SLIT3: variants seen among roughly 807,000 people sequenced by gnomAD.
The protein encoded by SLIT3 is slit homolog 3 protein.
In SLIT3, 68 loss-of-function variants were observed where a neutral mutation model predicts 184.0. The observed-to-expected ratio is 0.37, with a 90% CI of 0.30 to 0.45. SLIT3 has a LOEUF of 0.45. Among genes scored for constraint, SLIT3 ranks in the 20% least tolerant of loss-of-function variants. The probability of loss-of-function intolerance (pLI) is 1.00; values close to 1 mark genes in which losing one functional copy is unlikely to be tolerated. For missense variants in SLIT3, 1,707 were observed against 2,026.0 expected (o/e 0.84, Z 3.02); for synonymous variants, 831 against 828.6 (o/e 1.00, Z -0.05).
intron 4 of SLIT3, among the ~76,000 whole-genome samples, chr5:169,046,712 ATCTC>A (rs939299189): frequency 6.6e-6 from 1 of 152,186 alleles, no homozygotes; most frequent in East Asian, 1.9e-4. Context: ...GCTTGCTCTT[ATCTC>A]TCTATCTTCC....
chr5:168,896,710 G>A (rs1210376374), intron 4 of SLIT3, among the ~76,000 whole-genome samples: 1 of 152,200 alleles, frequency 6.6e-6, no homozygotes, highest in Non-Finnish European at 1.5e-5. Flanking sequence ...ATGGTTGACT[G>A]TGCAGCAATT....
At chr5:169,028,844 C>T (rs1306510144) in intron 4 of SLIT3, among the ~76,000 whole-genome samples, 6 of 152,198 alleles carry the variant, frequency 3.9e-5, no homozygotes, top group Non-Finnish European at 7.3e-5. Context: ...GTTGATTCCA[C>T]TGCTTTCCAA....
At chr5:169,258,191 C>G (rs187621509) in intron 1 of SLIT3, among the ~76,000 whole-genome samples, 1 of 152,230 alleles carries the variant, frequency 6.6e-6, no homozygotes, top group African/African-American at 2.4e-5. Context: ...AACCTGGGCT[C>G]TCTGAATGCA....
At chr5:169,095,800 C>T (rs1465647370) in intron 4 of SLIT3, among the ~76,000 whole-genome samples, 2 of 152,206 alleles carry the variant, frequency 1.3e-5, no homozygotes, top group East Asian at 3.9e-4. Flanking sequence ...ACATCTCGTT[C>T]CTGCCCCACC....
chr5:169,004,963 C>T (rs897359838), intron 4 of SLIT3, among the ~76,000 whole-genome samples: 11 of 152,280 alleles, frequency 7.2e-5, no homozygotes, highest in African/African-American at 4.8e-5. Flanking sequence ...ATGGTACAGG[C>T]GCACGTTGTT....
intron 26 of SLIT3, among the ~76,000 whole-genome samples, chr5:168,703,861 C>T (rs1026068974): frequency 2.8e-5 from 4 of 143,552 alleles, no homozygotes; most frequent in Admixed American, 2.2e-4. Flanking sequence ...AGGAGAATTG[C>T]TTGAACCCAG....
chr5:168,686,052 G>A, intron 30 of SLIT3, 125 bp from the exon 31 acceptor site: 1 of 1,140,198 alleles, frequency 8.8e-7, no homozygotes, highest in Non-Finnish European at 1.2e-6. Flanking sequence ...ACTAGTTCTA[G>A]GGGCTAGTTC....
intron 1 of SLIT3, among the ~76,000 whole-genome samples, chr5:169,273,219 C>T (rs1374232595): frequency 6.6e-6 from 1 of 152,200 alleles, no homozygotes; most frequent in African/African-American, 2.4e-5. Context: ...AACCGGCACT[C>T]GGCCAAAGGT....
chr5:169,044,594 G>C (rs532793261), intron 4 of SLIT3, among the ~76,000 whole-genome samples: 7 of 151,076 alleles, frequency 4.6e-5, no homozygotes, highest in Middle Eastern at 6.8e-3. Flanking sequence ...AGGTGGGGGG[G>C]GGGATGGGGA....
At chr5:169,003,012 T>C (rs1755774846) in intron 4 of SLIT3, among the ~76,000 whole-genome samples, 1 of 152,210 alleles carries the variant, frequency 6.6e-6, no homozygotes, top group Non-Finnish European at 1.5e-5. Context: ...GGGGCACTTA[T>C]TCTTTGGGGG....
chr5:168,673,457 A>T, intron 32 of SLIT3, 126 bp from the exon 33 acceptor site: 1 of 888,532 alleles, frequency 1.1e-6, no homozygotes, highest in Non-Finnish European at 1.7e-6. Context: ...AAATAACTTT[A>T]AACTTACATA....
intron 18 of SLIT3, among the ~76,000 whole-genome samples, chr5:168,751,271 G>A (rs575306991): frequency 3.9e-5 from 6 of 152,340 alleles, no homozygotes; most frequent in Non-Finnish European, 7.4e-5. Flanking sequence ...AGCAACAGGA[G>A]GTGTGGCAGC....
intron 4 of SLIT3, among the ~76,000 whole-genome samples, chr5:168,924,508 A>ACG (rs1491263967): frequency 1.4e-5 from 2 of 141,804 alleles, no homozygotes; most frequent in African/African-American, 5.4e-5. Context: ...GTGTGTGTGT[A>ACG]TGTGTGTGTG....
intron 4 of SLIT3, among the ~76,000 whole-genome samples, chr5:169,186,054 T>G (rs1763321848): frequency 6.6e-6 from 1 of 152,356 alleles, no homozygotes; most frequent in South Asian, 2.1e-4. Flanking sequence ...GCAGAGGACC[T>G]GCCCCTAGTA....
chr5:169,252,724 G>A (rs915382092), intron 1 of SLIT3, among the ~76,000 whole-genome samples: 2 of 152,106 alleles, frequency 1.3e-5, no homozygotes, highest in Non-Finnish European at 2.9e-5. Flanking sequence ...TTCCAATGAT[G>A]AATCCCCATC....
At chr5:169,045,181 A>G (rs777557060) in intron 4 of SLIT3, among the ~76,000 whole-genome samples, 5 of 152,170 alleles carry the variant, frequency 3.3e-5, no homozygotes, top group Non-Finnish European at 5.9e-5. Flanking sequence ...GTGCCCTGCT[A>G]TGTGAAGCAG....
intron 3 of SLIT3, among the ~76,000 whole-genome samples, chr5:169,197,267 A>G (rs1385311049): frequency 6.6e-6 from 1 of 152,118 alleles, no homozygotes; most frequent in African/African-American, 2.4e-5. Context: ...AAGCCTTGGG[A>G]CCTTTCCACT....
intron 20 of SLIT3, among the ~76,000 whole-genome samples, chr5:168,740,803 C>A (rs936847858): frequency 1.7e-4 from 26 of 152,188 alleles, no homozygotes; most frequent in Non-Finnish European, 7.3e-5. Context: ...TAATTGCAGC[C>A]AATTATCTTT....
At chr5:168,684,452 A>G (rs1358179270) in intron 31 of SLIT3, among the ~76,000 whole-genome samples, 1 of 152,154 alleles carries the variant, frequency 6.6e-6, no homozygotes, top group Non-Finnish European at 1.5e-5. Context: ...GTTTCTCTGT[A>G]TAAAGAAGAA....
Sources: allele counts gnomAD v4.1 joint callset (sites outside exome capture counted in the v4.1 genomes callset), GRCh38; gene constraint gnomAD v4.1.1; transcripts MANE v1.5; gene names NCBI Gene and HGNC (gene_info 2026-07-23, HGNC 2026-07-21).